The following PSMA1 variants were observed in gnomAD, a reference collection of about 807,000 sequenced individuals.
PSMA1 encodes proteasome subunit alpha type-1.
Under a neutral mutation model 38.4 loss-of-function variants are expected in PSMA1, and 3 were observed. The ratio of observed to expected loss-of-function variants is 0.08; its 90% confidence interval spans 0.04 to 0.20. The LOEUF (loss-of-function observed/expected upper bound fraction) is 0.20. Among genes scored for constraint, PSMA1 ranks in the 10% least tolerant of loss-of-function variants. The pLI, the probability that PSMA1 is intolerant of heterozygous loss-of-function variation, is 1.00. For synonymous variants in PSMA1, 101 were observed against 107.1 expected (o/e 0.94, Z 0.35); for missense variants, 227 against 325.3 (o/e 0.70, Z 2.32).
chr11:14,557,133 C>A (rs1851949363), intron 2 of PSMA1, among the ~76,000 whole-genome samples: 1 of 152,242 alleles, frequency 6.6e-6, no homozygotes, highest in Admixed American at 6.5e-5. Flanking sequence ...CTGCACCCTG[C>A]TCATTCTTTC....
intron 2 of PSMA1, among the ~76,000 whole-genome samples, chr11:14,600,296 G>C (rs1395376614): frequency 6.6e-6 from 1 of 152,228 alleles, no homozygotes; most frequent in Non-Finnish European, 1.5e-5. Context: ...AGACAGGGAC[G>C]TTTAAGTCTG....
intron 1 of PSMA1, among the ~76,000 whole-genome samples, chr11:14,625,570 T>C (rs1007401200): frequency 6.6e-6 from 1 of 152,232 alleles, no homozygotes; most frequent in Non-Finnish European, 1.5e-5. Context: ...GGGCTTCTCC[T>C]AGTCAGTAAC....
chr11:14,639,406 G>A (rs1409564578), intron 1 of PSMA1, among the ~76,000 whole-genome samples: 1 of 152,214 alleles, frequency 6.6e-6, no homozygotes, highest in Non-Finnish European at 1.5e-5. Flanking sequence ...AAAATCAAAG[G>A]AAATACAGTT....
At chr11:14,560,422 G>T (rs1851995235) in intron 2 of PSMA1, among the ~76,000 whole-genome samples, 1 of 152,084 alleles carries the variant, frequency 6.6e-6, no homozygotes, top group Admixed American at 6.5e-5. Context: ...CTCACCCTCA[G>T]CTCTGCCATC....
At chr11:14,526,431 C>G (rs917462740) in intron 2 of PSMA1, among the ~76,000 whole-genome samples, 3 of 152,178 alleles carry the variant, frequency 2.0e-5, no homozygotes, top group Admixed American at 1.3e-4. Context: ...GCCTTTTTGT[C>G]CAAACAACTT....
chr11:14,528,406 CA>C (rs1851609966), intron 2 of PSMA1, among the ~76,000 whole-genome samples: 1 of 152,082 alleles, frequency 6.6e-6, no homozygotes, highest in Admixed American at 6.6e-5. Flanking sequence ...TACTATATGA[CA>C]AATGCTTCTT....
At chr11:14,577,641 TC>T (rs1373348770) in intron 2 of PSMA1, among the ~76,000 whole-genome samples, 1 of 152,232 alleles carries the variant, frequency 6.6e-6, no homozygotes, top group Non-Finnish European at 1.5e-5. Context: ...ACTTATTTAT[TC>T]CTCACAATTC....
At chr11:14,524,945 C>G (rs992932747), upstream of PSMA1, among the ~76,000 whole-genome samples, 5 of 152,152 alleles carry the variant, frequency 3.3e-5, no homozygotes, top group African/African-American at 1.2e-4. Flanking sequence ...GGCTTAGCGG[C>G]TGAAGACTGA....
intron 2 of PSMA1, among the ~76,000 whole-genome samples, chr11:14,527,375 C>T (rs986725114): frequency 6.6e-6 from 1 of 152,310 alleles, no homozygotes; most frequent in Middle Eastern, 3.4e-3. Context: ...TACCTCCTTC[C>T]AGCCTCACAG....
rs146354014 is a variant in PSMA1 at position 14,534,694 on chromosome 11, G to C, written c.22-15653C>G. On this transcript the variant is annotated intron_variant, in intron 2 of 10. Coordinates refer to the PSMA1 transcript ENST00000418988. This position sits in a 1 kb window ranked among gnomAD's most constrained non-coding sequence, Gnocchi z 4.5. ...CAATACTATCCATCTGGAGAAGGGA[G>C]AATATCCTGAGAATATATTTTCCAA... is the stretch of plus-strand genomic sequence containing the variant. 5.2e-3 allele frequency among the ~76,000 whole-genome samples: 793 copies of C among 152,116 alleles called. 4 individuals are homozygous for C. Among genetic ancestry groups the C allele is most frequent in the Non-Finnish European group, 8.5e-3 (581 of 68,000 alleles).
chr11:14,512,267 A>T (rs2134144833), intron 7 of PSMA1, among the ~76,000 whole-genome samples: 1 of 152,208 alleles, frequency 6.6e-6, no homozygotes, highest in East Asian at 1.9e-4. Flanking sequence ...CCAGCTACTC[A>T]GGAGGCTGAG....
intron 1 of PSMA1, among the ~76,000 whole-genome samples, chr11:14,638,505 A>ACC (rs1554974701): frequency 1.2e-4 from 7 of 60,228 alleles, no homozygotes; most frequent in Non-Finnish European, 1.5e-4. Context: ...GGAGAAACAC[A>ACC]CCTCTCTCTC....
intron 1 of PSMA1, among the ~76,000 whole-genome samples, chr11:14,627,495 T>A (rs146442348): frequency 0.011 from 1,622 of 152,340 alleles, 8 homozygotes; most frequent in Admixed American, 0.015. Context: ...ATTACTGTTA[T>A]AACGGAAAGC....
chr11:14,605,939 T>C (rs1223901139), intron 2 of PSMA1, among the ~76,000 whole-genome samples: 1 of 152,232 alleles, frequency 6.6e-6, no homozygotes, highest in Non-Finnish European at 1.5e-5. Context: ...TAGAACGTCA[T>C]AAATTCTTTC....
chr11:14,606,782 A>G (rs893627745), intron 2 of PSMA1, among the ~76,000 whole-genome samples: 3 of 152,234 alleles, frequency 2.0e-5, no homozygotes, highest in African/African-American at 4.8e-5. Flanking sequence ...GGAATATAGT[A>G]TCTTCTCTCC....
chr11:14,633,719 G>A (rs552817839), intron 1 of PSMA1, among the ~76,000 whole-genome samples: 5 of 152,260 alleles, frequency 3.3e-5, no homozygotes, highest in African/African-American at 9.6e-5. Flanking sequence ...GGGCAATGGC[G>A]GGCACCCCTC....
chr11:14,516,235 C>T (rs1714040799), intron 4 of PSMA1, among the ~76,000 whole-genome samples: 1 of 151,522 alleles, frequency 6.6e-6, no homozygotes, highest in Admixed American at 6.6e-5. Flanking sequence ...AATAGGGTCT[C>T]ACTCTGTTGC....
intron 1 of PSMA1, among the ~76,000 whole-genome samples, chr11:14,629,576 T>C (rs916265604): frequency 5.3e-5 from 8 of 152,190 alleles, no homozygotes; most frequent in African/African-American, 1.9e-4. Context: ...TGTAGCCTTG[T>C]AGTATAGTTT....
At chr11:14,599,882 C>G (rs1450778988) in intron 2 of PSMA1, among the ~76,000 whole-genome samples, 1 of 152,216 alleles carries the variant, frequency 6.6e-6, no homozygotes, top group East Asian at 1.9e-4. Context: ...GTGGTTTTAT[C>G]TACCTTTGGT....
Sources: allele counts gnomAD v4.1 joint callset (sites outside exome capture counted in the v4.1 genomes callset), GRCh38; gene constraint gnomAD v4.1.1; non-coding constraint Gnocchi (gnomAD v3.1); transcripts MANE v1.5; gene names NCBI Gene and HGNC (gene_info 2026-07-23, HGNC 2026-07-21).